The following COL11A1 variants were observed in gnomAD, a reference collection of about 807,000 sequenced individuals.
COL11A1 encodes the protein collagen type XI alpha 1 chain.
A neutral mutation model predicts 265.2 loss-of-function variants in COL11A1; 74 were observed. The ratio of observed to expected loss-of-function variants is 0.28; its 90% CI spans 0.23 to 0.34. COL11A1 has a LOEUF of 0.34. Ranked by LOEUF, COL11A1 falls within the 10% of genes least tolerant of loss-of-function variation. COL11A1 has a pLI of 1.00. For synonymous variants in COL11A1, 816 were observed against 727.6 expected, an observed-to-expected ratio of 1.12 and a Z score of -1.96; for missense variants, 2,165 against 2,263.6, an observed-to-expected ratio of 0.96 and a Z score of 0.88.
At chr1:102,915,536 T>A in intron 50 of COL11A1, 95 bp downstream of exon 50, 1 of 1,076,612 alleles carries the variant, frequency 9.3e-7, no homozygotes, top group Non-Finnish European at 1.4e-6. Flanking sequence ...AAAGTAAAAT[T>A]CGAACCACAG....
intron 4 of COL11A1, among the ~76,000 whole-genome samples, chr1:103,032,894 T>C (rs909372261): frequency 6.6e-6 from 1 of 152,166 alleles, no homozygotes; most frequent in Admixed American, 6.6e-5. Context: ...TTAATTCACA[T>C]ATAAAATCCA....
intron 25 of COL11A1, among the ~76,000 whole-genome samples, chr1:102,997,344 T>C (rs1011770649): frequency 6.6e-6 from 1 of 151,990 alleles, no homozygotes; most frequent in African/African-American, 2.4e-5. Context: ...TGTAAGTTTC[T>C]TCAAATACAT....
At chr1:102,931,602 A>C (rs1259254806) in intron 46 of COL11A1, among the ~76,000 whole-genome samples, 2 of 152,086 alleles carry the variant, frequency 1.3e-5, no homozygotes, top group Non-Finnish European at 2.9e-5. Context: ...GTAGATGTCT[A>C]TTAGGTCCAC....
intron 4 of COL11A1, among the ~76,000 whole-genome samples, chr1:103,064,173 C>T (rs1196532986): frequency 6.6e-6 from 1 of 152,078 alleles, no homozygotes; most frequent in Admixed American, 6.6e-5. Context: ...TAAAACAAAG[C>T]ATATTCATAC....
rs748116360 is a variant in COL11A1 at position 103,021,724 on chromosome 1, G to T, written c.1291C>A (p.Pro431Thr). 1.2e-6 allele frequency: 2 copies of T among 1,612,520 alleles called. No individual in the cohort carries two copies. Among genetic ancestry groups the T allele is most frequent in the East Asian group, 4.5e-5 (2 of 44,854 alleles). Reference protein sequence around the residue: ...AYGEKGQKGEPAVVEPGMLVE... With the variant: ...AYGEKGQKGETAVVEPGMLVE... ...CTACTTACAGGCTCAACCACTGCTGGTTCTCCTTTCTGTCCTTTCTCTCCA... is the reference window on the plus strand; with the variant it reads ...CTACTTACAGGCTCAACCACTGCTGTTTCTCCTTTCTGTCCTTTCTCTCCA... Residue 431 changes from proline to threonine, a missense_variant, in exon 9 of 67, where the codon CCA becomes ACA. Coordinates refer to ENST00000370096, the MANE Select transcript of COL11A1 (RefSeq NM_001854.4).
At chr1:103,091,555 T>C (rs919000883) in intron 1 of COL11A1, among the ~76,000 whole-genome samples, 19 of 152,070 alleles carry the variant, frequency 1.2e-4, no homozygotes, top group African/African-American at 4.1e-4. Flanking sequence ...AGATTATATA[T>C]GAAGCCCTTA....
intron 3 of COL11A1, among the ~76,000 whole-genome samples, chr1:103,077,429 C>T (rs139367449): frequency 0.014 from 2,178 of 151,642 alleles, 42 homozygotes; most frequent in African/African-American, 0.05. Context: ...TAGATTAAAA[C>T]CTTAGCATGG....
At chr1:102,918,156 T>C (rs996380735) in intron 49 of COL11A1, among the ~76,000 whole-genome samples, 3 of 151,648 alleles carry the variant, frequency 2.0e-5, no homozygotes, top group Non-Finnish European at 3.0e-5. Context: ...AGCACTGATA[T>C]ATGAAGGAGA....
chr1:102,948,487 A>G (rs1659542575), intron 41 of COL11A1, among the ~76,000 whole-genome samples: 1 of 152,004 alleles, frequency 6.6e-6, no homozygotes, highest in Non-Finnish European at 1.5e-5. Flanking sequence ...TAATTTGGAG[A>G]GACATTGCCA....
chr1:102,915,107 C>T (rs1177011441), intron 50 of COL11A1, among the ~76,000 whole-genome samples: 3 of 151,964 alleles, frequency 2.0e-5, no homozygotes, highest in South Asian at 2.1e-4. Flanking sequence ...GGTTTTACCA[C>T]GTTGGGCCAG....
rs1667095877 is a variant in COL11A1 at position 103,021,772 on chromosome 1, G to A, written c.1246-3C>T. On this transcript the variant is annotated splice_polypyrimidine_tract_variant and splice_region_variant and intron_variant, in intron 8 of 66. Transcript: ENST00000370096. ...CCATATGCACCATGGCCATTTATCT[G>A]TTGAATGAAATATTCAAAACAGCCT... The A allele has an allele frequency of 6.2e-7, 1 of 1,602,950 alleles. No homozygotes were observed. Among genetic ancestry groups the A allele is most frequent in the Admixed American group, 1.7e-5 (1 of 59,932 alleles).
At position 102,881,824 on chromosome 1, in the gene COL11A1, T is replaced by C. The variant is rs546819412; in HGVS notation, c.4972-59A>G. The C allele has an allele frequency of 6.3e-4, 764 of 1,205,212 alleles. 1 individual carries two copies. Among genetic ancestry groups the C allele is most frequent in the Non-Finnish European group, 8.5e-4 (700 of 822,790 alleles). 74.7% of individuals were successfully genotyped at this position (1,205,212 alleles called of 1,614,324 possible). A position where few individuals can be genotyped will look rare whatever the true frequency, so the allele number is the denominator to read the frequency against. ...GTGAAAATTTACAATATAAACAGTA[T>C]TTTTATATACATATAATTCATTTTC... On this transcript the variant is annotated intron_variant, in intron 64 of 66. Transcript: ENST00000370096.
intron 28 of COL11A1, among the ~76,000 whole-genome samples, chr1:102,990,875 A>G (rs1034017021): frequency 5.9e-5 from 9 of 152,174 alleles, no homozygotes; most frequent in African/African-American, 1.9e-4. Context: ...TCTACTAAAA[A>G]TAGAAAAATT....
At chr1:102,936,510 T>A (rs531545128) in intron 44 of COL11A1, among the ~76,000 whole-genome samples, 12 of 152,266 alleles carry the variant, frequency 7.9e-5, no homozygotes, top group Admixed American at 2.0e-4. Flanking sequence ...ACTGACAGTA[T>A]TTACTGTCAA....
At chr1:103,026,006 A>C in intron 6 of COL11A1, 1 of 1,554,498 alleles carries the variant, frequency 6.4e-7, no homozygotes, top group African/African-American at 1.4e-5. Flanking sequence ...GAGGAGGGAA[A>C]TATAGAGCAC....
At chr1:103,020,038 G>A (rs1303594888) in intron 9 of COL11A1, among the ~76,000 whole-genome samples, 4,414 of 148,106 alleles carry the variant, frequency 0.03, 83 homozygotes, top group Middle Eastern at 0.08. Flanking sequence ...GAATAATGCC[G>A]CAATAAACAT....
At chr1:102,969,894 T>C (rs1041668821) in intron 37 of COL11A1, among the ~76,000 whole-genome samples, 5 of 152,034 alleles carry the variant, frequency 3.3e-5, no homozygotes, top group Admixed American at 6.6e-5. Context: ...CTATAAACAG[T>C]CTTCAGTGAA....
intron 40 of COL11A1, 52 bp downstream of exon 40, chr1:102,962,124 T>C (rs971860115): frequency 5.6e-6 from 8 of 1,441,426 alleles, no homozygotes; most frequent in Admixed American, 3.4e-5. Flanking sequence ...AAAAAATGCT[T>C]CTAATAAACA....
chr1:102,963,173 G>T (rs1302481483), intron 38 of COL11A1, among the ~76,000 whole-genome samples: 1 of 152,094 alleles, frequency 6.6e-6, no homozygotes, highest in Non-Finnish European at 1.5e-5. Context: ...GCCACTCAAT[G>T]AATCACTGCT....
Sources: allele counts gnomAD v4.1 joint callset (sites outside exome capture counted in the v4.1 genomes callset), GRCh38; gene constraint gnomAD v4.1.1; transcripts MANE v1.5; gene names NCBI Gene and HGNC (gene_info 2026-07-23, HGNC 2026-07-21).